Variants in MAP4 observed in about 807,000 individuals in gnomAD.
MAP4 encodes microtubule associated protein 4.
A neutral mutation model predicts 170.2 loss-of-function variants in MAP4; 76 were observed. The ratio of observed to expected loss-of-function variants is 0.45; its 90% CI spans 0.37 to 0.54. The LOEUF (loss-of-function observed/expected upper bound fraction) is 0.54. Ranked by LOEUF, MAP4 falls within the 20% of genes least tolerant of loss-of-function variation. The probability of loss-of-function intolerance (pLI) is 0.00; values close to 1 mark genes in which losing one functional copy is unlikely to be tolerated. For missense variants in MAP4, 2,506 were observed against 2,748.0 expected (o/e 0.91, Z 1.97); for synonymous variants, 909 against 994.5 (o/e 0.91, Z 1.62).
At chr3:47,888,298 T>C (rs577116689) in intron 10 of MAP4, among the ~76,000 whole-genome samples, 12 of 152,292 alleles carry the variant, frequency 7.9e-5, no homozygotes, top group South Asian at 2.1e-4. Context: ...TCGGGTCCCC[T>C]TCCACACTGT....
chr3:47,899,901 T>G (rs1305149475), intron 10 of MAP4, among the ~76,000 whole-genome samples: 2 of 152,236 alleles, frequency 1.3e-5, no homozygotes, highest in African/African-American at 4.8e-5. Context: ...CCAGGACTCT[T>G]GGCAAAGCCT....
intron 11 of MAP4, among the ~76,000 whole-genome samples, chr3:47,876,132 C>CTTTTTTTTTTTTTTTTTTTTT (rs756229459): frequency 7.1e-6 from 1 of 140,570 alleles, no homozygotes. Flanking sequence ...TTTTCTTTTT[C>CTTTTTTTTTTTTTTTTTTTTT]TTTCTTTTTT....
rs190450127 is a variant in MAP4, at chr3:47,981,719, C to T, written c.224-3786G>A. ...GGCAGAGGTTGCAGTGAGCTGAGAT[C>T]GTGCCACTGCACTCCAGTCTGGGCG... On this transcript the variant is annotated intron_variant, in intron 2 of 20. Coordinates refer to ENST00000683076, the MANE Select transcript of MAP4 (RefSeq NM_001385682.1). 4.6e-3 allele frequency among the ~76,000 whole-genome samples: 691 copies of T among 150,922 alleles called. 19 individuals are homozygous for T. Among genetic ancestry groups the T allele is most frequent in the Admixed American group, 0.041 (616 of 15,116 alleles).
intron 10 of MAP4, among the ~76,000 whole-genome samples, chr3:47,886,709 G>A (rs1385382229): frequency 2.0e-5 from 3 of 152,186 alleles, no homozygotes; most frequent in South Asian, 4.1e-4. Context: ...CTCTTCTGTT[G>A]GGTCTTTCCA....
intron 1 of MAP4, among the ~76,000 whole-genome samples, chr3:48,058,506 G>C (rs2100133472): frequency 6.6e-6 from 1 of 152,152 alleles, no homozygotes; most frequent in African/African-American, 2.4e-5. Flanking sequence ...GGCTGAACAG[G>C]ATTATGTCTT....
chr3:47,915,114 CTT>C (rs367574892), intron 7 of MAP4, among the ~76,000 whole-genome samples, 175 bp from the exon 8 acceptor site: 28 of 138,866 alleles, frequency 2.0e-4, no homozygotes, highest in Admixed American at 1.4e-4. Flanking sequence ...AGTTATGTTA[CTT>C]TTTTTTTTTT....
chr3:47,906,743 G>C (rs763796262), intron 9 of MAP4, among the ~76,000 whole-genome samples: 2 of 148,734 alleles, frequency 1.3e-5, no homozygotes, highest in Non-Finnish European at 3.0e-5. Flanking sequence ...ATAGTATACA[G>C]CTATCAAAAA....
chr3:48,073,273 AC>A (rs2100141926), intron 1 of MAP4, among the ~76,000 whole-genome samples: 1 of 149,026 alleles, frequency 6.7e-6, no homozygotes, highest in African/African-American at 2.5e-5. Flanking sequence ...ACACACACAC[AC>A]ACACACACAC....
intron 15 of MAP4, among the ~76,000 whole-genome samples, chr3:47,869,738 A>G (rs2087816423): frequency 6.6e-6 from 1 of 152,128 alleles, no homozygotes; most frequent in Admixed American, 6.5e-5. Flanking sequence ...ATACTGATAG[A>G]AAGTGTCAGA....
At position 48,035,866 on chromosome 3, in the gene MAP4, G is replaced by C. The variant is rs1400496480; in HGVS notation, c.-19-36987C>G. Among the ~76,000 whole-genome samples the C allele has an allele frequency of 2.6e-5, 4 of 151,746 alleles. No individual in the cohort carries two copies. In the East Asian group the frequency reaches 7.7e-4, roughly 29 times the overall value. The stretch of plus-strand genomic sequence containing the variant: ...GAGGCATGAGAATTGCTTGAACCTG[G>C]GTGGTGGAGGTTGCAGTGAGCCGAG... On this transcript the variant is annotated intron_variant, in intron 1 of 18. Transcript: ENST00000360240.
chr3:47,863,555 C>G (rs570975039), intron 17 of MAP4, among the ~76,000 whole-genome samples: 20 of 152,082 alleles, frequency 1.3e-4, no homozygotes, highest in Non-Finnish European at 2.2e-4. Flanking sequence ...CATCACACAC[C>G]TTGCTCTGCT....
Position 47,912,112 on chromosome 3 carries a change from T to G in MAP4, c.2309A>C (p.Lys770Thr). ...DIESTPIMMK[K>T]KKKKPKQKRY... ...CTTTTGCTTTGGTTTCTTCTTCTTT[T>G]TCTTCATCATTATTGGTGTGCTTTC... The change falls in exon 9 of 21, where the codon AAA (lysine) becomes ACA (threonine). Residue 770 changes from lysine (K) to threonine (T), a missense_variant. Lys to Thr is a moderately conservative substitution (Grantham distance 78). Around this residue, in one of 3 missense-constraint regions of MAP4, gnomAD observed 2,008 missense variants for 2,206.0 expected, o/e 0.91. Coordinates refer to ENST00000683076, the MANE Select transcript of MAP4 (RefSeq NM_001385682.1). The G allele has an allele frequency of 6.5e-7, 1 of 1,536,194 alleles. No individual in the cohort carries two copies. Among genetic ancestry groups the G allele is most frequent in the Non-Finnish European group, 8.7e-7 (1 of 1,146,932 alleles).
chr3:48,036,366 C>T (rs185490081), intron 1 of MAP4, among the ~76,000 whole-genome samples: 35 of 152,328 alleles, frequency 2.3e-4, no homozygotes, highest in Non-Finnish European at 4.6e-4. Flanking sequence ...CCACTACCGA[C>T]CTGACCCTCA....
At chr3:47,887,968 T>G (rs1365854756) in intron 10 of MAP4, among the ~76,000 whole-genome samples, 2 of 150,882 alleles carry the variant, frequency 1.3e-5, no homozygotes, top group East Asian at 3.9e-4. Flanking sequence ...GGTGGGGCCT[T>G]GGAGAACCTC....
At position 47,911,251 on chromosome 3, in the gene MAP4, C is replaced by T. The variant is rs1411134994; in HGVS notation, c.3170G>A (p.Gly1057Asp). 6.5e-6 allele frequency: 10 copies of T among 1,536,142 alleles called. No individual in the cohort carries two copies. The East Asian group carries it at 2.4e-4, about 38-fold the overall frequency. The change falls in exon 9 of 21, where the codon GGT (glycine) becomes GAT (aspartate). Residue 1057 changes from glycine to aspartate, a missense_variant. Gly to Asp is a moderately conservative substitution (Grantham distance 94). This residue lies in a region of MAP4 where 2,008 missense variants were observed against 2,206.0 expected (regional missense o/e 0.91). Coordinates refer to ENST00000683076, the MANE Select transcript of MAP4 (RefSeq NM_001385682.1). This position sits in a 1 kb window ranked among gnomAD's most constrained non-coding sequence, Gnocchi z 4.0. ...CCTTCCCTTCCTGCTTTTGCCATCA[C>T]CTGCCATTCTCTTAAATGGTTCATT... The part of the protein sequence containing the change: ...VENEPFKRMA[G>D]DGKSRKGRGS...
rs1553751785 is a variant in MAP4, at chr3:47,880,487, T to TTA, written c.5435-2965_5435-2964insTA. On this transcript the variant is annotated intron_variant, in intron 10 of 20. Coordinates refer to ENST00000683076, the MANE Select transcript of MAP4 (RefSeq NM_001385682.1). ...TCAGTTTTTTTTTTTTTTTTTTTTT[T>TTA]AAGAGATGAAGTCTGTTGCCTAGGC... is the stretch of plus-strand genomic sequence containing the variant. Among the ~76,000 whole-genome samples, 104 of 147,576 alleles carry TTA rather than the reference T, an allele frequency of 7.0e-4. 1 individual carries two copies. The highest frequency in any genetic ancestry group is 1.1e-3 in the Non-Finnish European group (72 of 66,848).
chr3:47,928,142 A>G (rs2100047109), intron 4 of MAP4, 86 bp downstream of exon 4: 1 of 1,529,214 alleles, frequency 6.5e-7, no homozygotes. Flanking sequence ...CTTAAGCTAA[A>G]GCATTTTCAT....
At chr3:48,055,350 G>A (rs1043300857) in intron 1 of MAP4, among the ~76,000 whole-genome samples, 22 of 152,290 alleles carry the variant, frequency 1.4e-4, no homozygotes, top group Admixed American at 3.3e-4. Context: ...GAATGCCTGC[G>A]ATTGCAGGCC....
At chr3:48,082,028 G>T (rs1341157234) in intron 1 of MAP4, among the ~76,000 whole-genome samples, 1 of 152,024 alleles carries the variant, frequency 6.6e-6, no homozygotes, top group Admixed American at 6.6e-5. Context: ...GCCAAAGCTG[G>T]AACAACTTGA....
Sources: allele counts gnomAD v4.1 joint callset (sites outside exome capture counted in the v4.1 genomes callset), GRCh38; gene constraint gnomAD v4.1.1; regional missense constraint gnomAD v4.1.1; non-coding constraint Gnocchi (gnomAD v3.1); transcripts MANE v1.5; gene names NCBI Gene and HGNC (gene_info 2026-07-23, HGNC 2026-07-21).